The following RBPJ variants were observed in gnomAD, a reference collection of about 807,000 sequenced individuals.
The protein encoded by RBPJ is recombination signal binding protein for immunoglobulin kappa J region, also known as recombining binding protein suppressor of hairless.
A neutral mutation model predicts 67.8 loss-of-function variants in RBPJ; 9 were observed. That is an observed-to-expected ratio of 0.13 (90% CI 0.08 to 0.23). RBPJ has a LOEUF of 0.23. Ranked by LOEUF, RBPJ falls within the 10% of genes least tolerant of loss-of-function variation. The pLI, the probability that RBPJ is intolerant of heterozygous loss-of-function variation, is 1.00. For synonymous variants in RBPJ, 198 were observed against 203.3 expected, an observed-to-expected ratio of 0.97 and a Z score of 0.22; for missense variants, 305 against 595.6, an observed-to-expected ratio of 0.51 and a Z score of 5.08.
intron 1 of RBPJ, among the ~76,000 whole-genome samples, chr4:26,310,016 C>T (rs1722379171): frequency 6.6e-6 from 1 of 152,200 alleles, no homozygotes; most frequent in African/African-American, 2.4e-5. Context: ...TCTTGCTTTA[C>T]CTTCTTGAAC....
At chr4:26,333,829 A>G (rs989147382) in intron 1 of RBPJ, among the ~76,000 whole-genome samples, 2 of 152,162 alleles carry the variant, frequency 1.3e-5, no homozygotes, top group Admixed American at 6.5e-5. Context: ...AGCTGGGACT[A>G]CAGGCTTGCA....
chr4:26,225,968 T>C (rs1448613390), intron 1 of RBPJ, among the ~76,000 whole-genome samples: 2 of 151,654 alleles, frequency 1.3e-5, no homozygotes, highest in East Asian at 3.9e-4. Flanking sequence ...GCCAACATGC[T>C]GAAACCTTGT....
rs150315529 is a variant in RBPJ at position 26,230,779 on chromosome 4, C to T, written c.-167+67165C>T. The stretch of plus-strand genomic sequence containing the variant: ...AATAACCATTAGCTTTCCACACTTT[C>T]GACCTAGCATCAAAATAGCCCACAA... On this transcript the variant is annotated intron_variant, in intron 1 of 4. Transcript: ENST00000512351. Among the ~76,000 whole-genome samples, 43 of 152,186 alleles carry T rather than the reference C, an allele frequency of 2.8e-4. 1 individual carries two copies. The East Asian group carries it at 6.8e-3, about 24-fold the overall frequency.
chr4:26,250,005 C>G (rs1358013857), intron 1 of RBPJ, among the ~76,000 whole-genome samples: 1 of 151,640 alleles, frequency 6.6e-6, no homozygotes, highest in Admixed American at 6.6e-5. Context: ...AGCCTGGTCT[C>G]GAACTCCTGA....
intron 1 of RBPJ, among the ~76,000 whole-genome samples, chr4:26,358,331 A>G (rs1302999607): frequency 6.6e-6 from 1 of 152,132 alleles, no homozygotes; most frequent in African/African-American, 2.4e-5. Context: ...GATTCTTAAT[A>G]TATGGTAATT....
chr4:26,333,868 A>G lies in RBPJ; in HGVS notation c.20+12820A>G, dbSNP rs938743943. Among the ~76,000 whole-genome samples, 16 of 151,810 alleles carry G rather than the reference A, an allele frequency of 1.1e-4. No homozygotes were observed. The South Asian group carries it at 2.1e-3, about 20-fold the overall frequency. ...CCATGCCTGCCTAATTTTTATTTTT[A>G]TTGTAGAGACAGGGTCTCCAACACC... On this transcript the variant is annotated intron_variant, in intron 1 of 10. Coordinates refer to ENST00000355476, the MANE Select transcript of RBPJ (RefSeq NM_015874.6).
chr4:26,127,643 G>T, the RBPJ span, among the ~76,000 whole-genome samples: 6 of 152,150 alleles, frequency 3.9e-5, no homozygotes, highest in African/African-American at 1.4e-4. Flanking sequence ...TTTGTATAGG[G>T]AACAAAACAC....
Position 26,321,034 on chromosome 4 carries a change from G to A in RBPJ, c.6G>A (p.Ala2=). 1.2e-6 allele frequency: 2 copies of A among 1,612,794 alleles called. No individual in the cohort carries two copies. The highest frequency in any genetic ancestry group is 2.2e-5 in the East Asian group (1 of 44,864). Residue 2 remains alanine, a synonymous_variant, in exon 1 of 11, where the codon GCG becomes GCA. Transcript: ENST00000355476. M[A]PVVTGKFGER... Reference sequence around the variant, plus strand: ...TTGGCGAGAGTTTGTGGAAGATGGCGCCTGTTGTGACAGGGTAAGTCTGAG... The same window carrying A: ...TTGGCGAGAGTTTGTGGAAGATGGCACCTGTTGTGACAGGGTAAGTCTGAG...
At chr4:26,238,762 G>A (rs1371568395) in intron 1 of RBPJ, among the ~76,000 whole-genome samples, 2 of 152,118 alleles carry the variant, frequency 1.3e-5, no homozygotes, top group African/African-American at 2.4e-5. Context: ...TGGTGGGGTC[G>A]CGGGAGGATA....
chr4:26,288,954 G>A (rs954423298), intron 1 of RBPJ, among the ~76,000 whole-genome samples: 27 of 143,822 alleles, frequency 1.9e-4, no homozygotes, highest in African/African-American at 6.6e-4. Flanking sequence ...TGGCATGAAG[G>A]CCTTTGCACA....
chr4:26,435,054 T>C (rs1376046407), downstream of RBPJ: 2 of 152,254 alleles, frequency 1.3e-5, no homozygotes, highest in Non-Finnish European at 2.9e-5. Context: ...ATCAAAGTGA[T>C]AGCTCTACTA....
chr4:26,366,368 T>C (rs954156500), intron 1 of RBPJ, among the ~76,000 whole-genome samples: 1 of 152,192 alleles, frequency 6.6e-6, no homozygotes, highest in Admixed American at 6.5e-5. Context: ...TTTGTTGCTA[T>C]ATTGTTTTGT....
At chr4:26,315,766 A>G (rs1005922579), upstream of RBPJ, among the ~76,000 whole-genome samples, 2 of 152,156 alleles carry the variant, frequency 1.3e-5, no homozygotes, top group African/African-American at 4.8e-5. Context: ...AGACACTCCC[A>G]GAGCAGCCGT....
intron 5 of RBPJ, among the ~76,000 whole-genome samples, chr4:26,421,962 AT>A (rs566895021): frequency 2.4e-4 from 36 of 152,194 alleles, no homozygotes; most frequent in African/African-American, 8.7e-4. Flanking sequence ...AGGTCCACAC[AT>A]TTTAGTCTGT....
At chr4:26,199,825 A>C (rs1717917340) in intron 1 of RBPJ, among the ~76,000 whole-genome samples, 1 of 152,258 alleles carries the variant, frequency 6.6e-6, no homozygotes, top group Non-Finnish European at 1.5e-5. Flanking sequence ...ACACTTTTAA[A>C]GAGTGAATTT....
At chr4:26,415,192 T>C (rs916389637) in intron 3 of RBPJ, among the ~76,000 whole-genome samples, 1 of 152,212 alleles carries the variant, frequency 6.6e-6, no homozygotes, top group Non-Finnish European at 1.5e-5. Flanking sequence ...TTTAGAACTC[T>C]GAGCCATACA....
At chr4:26,419,249 G>A (rs1406965113) in intron 4 of RBPJ, among the ~76,000 whole-genome samples, 1 of 152,158 alleles carries the variant, frequency 6.6e-6, no homozygotes, top group African/African-American at 2.4e-5. Context: ...AAAGTGCTGA[G>A]ATTACAGGCA....
At chr4:26,132,397 A>G in the RBPJ span, among the ~76,000 whole-genome samples, 1 of 151,924 alleles carries the variant, frequency 6.6e-6, no homozygotes, top group Non-Finnish European at 1.5e-5. Context: ...GGGCTCAGCC[A>G]CCCCCAGGTG....
chr4:26,244,250 CACAT>C (rs1332057408), intron 1 of RBPJ, among the ~76,000 whole-genome samples: 15 of 936 alleles, frequency 0.016, 1 homozygote, highest in African/African-American at 0.041. Context: ...TATATGTGTA[CACAT>C]ACACATATGT....
Sources: gnomAD v4.1 joint callset for allele counts (sites outside exome capture counted in the v4.1 genomes callset) on GRCh38, gnomAD v4.1.1 for gene constraint, MANE v1.5 for transcripts, NCBI Gene and HGNC (gene_info 2026-07-23, HGNC 2026-07-21) for gene names.